Variants in AFDN observed in about 807,000 individuals in gnomAD.
AFDN encodes the protein afadin.
AFDN carries 68 observed loss-of-function variants against 216.6 expected under a neutral mutation model. The observed-to-expected ratio is 0.31, with a 90% CI of 0.26 to 0.38. The LOEUF is 0.38. Ranked by LOEUF, AFDN falls within the 10% of genes least tolerant of loss-of-function variation. The pLI is 1.00. For missense variants in AFDN, 2,136 were observed against 2,342.0 expected (o/e 0.91, Z 1.82); for synonymous variants, 868 against 853.7 (o/e 1.02, Z -0.29).
chr6:167,827,021 G>C lies in AFDN; in HGVS notation c.-112G>C, dbSNP rs1017111961. 8 of 307,178 alleles carry C rather than the reference G, an allele frequency of 2.6e-5. No individual in the cohort carries two copies. Among genetic ancestry groups the C allele is most frequent in the African/African-American group, 4.6e-5 (2 of 43,742 alleles). 19.0% of individuals were successfully genotyped at this position (307,178 alleles called of 1,614,324 possible). A position where few individuals can be genotyped will look rare whatever the true frequency, so the allele number is the denominator to read the frequency against. ...CGCGGAGGCGGAGGCAGCCGCGGAG[G>C]CGGAGGCGGCCGGCGGGGGGTGGCG... On this transcript the variant is annotated 5_prime_UTR_variant, in exon 1 of 34. Transcript: ENST00000683244.
chr6:167,892,042 A>G (rs1170967816), intron 8 of AFDN, among the ~76,000 whole-genome samples: 1 of 152,222 alleles, frequency 6.6e-6, no homozygotes, highest in Non-Finnish European at 1.5e-5. Context: ...GCAATTAACT[A>G]ATGATTACAT....
At chr6:167,863,813 A>G (rs1386799175) in intron 1 of AFDN, 1 of 518,808 alleles carries the variant, frequency 1.9e-6, no homozygotes, top group African/African-American at 1.9e-5. Flanking sequence ...TAAGATTTTG[A>G]GACAAATCTA....
At position 167,954,998 on chromosome 6, in the gene AFDN, A is replaced by G. The variant is rs569107240; in HGVS notation, c.4833+2811A>G. ...TATAACATGGATTTTAATTCAGTTT[A>G]TCAGCCATGCCAATTTATCAGTCTG... is the stretch of plus-strand genomic sequence containing the variant. On this transcript the variant is annotated intron_variant, in intron 30 of 33. Coordinates refer to ENST00000683244, the MANE Select transcript of AFDN (RefSeq NM_001386888.1). 5.3e-5 allele frequency among the ~76,000 whole-genome samples: 8 copies of G among 152,264 alleles called. No homozygotes were observed. The South Asian group carries it at 1.4e-3, about 28-fold the overall frequency.
intron 30 of AFDN, chr6:167,954,473 G>C (rs1166298173): frequency 1.9e-6 from 3 of 1,600,786 alleles, no homozygotes; most frequent in Admixed American, 1.7e-5. Context: ...TGCTATGCCA[G>C]CAATCTCTGT....
intron 12 of AFDN, among the ~76,000 whole-genome samples, chr6:167,903,381 C>G (rs1207819446): frequency 1.3e-5 from 2 of 152,208 alleles, no homozygotes; most frequent in Non-Finnish European, 2.9e-5. Flanking sequence ...CACATTCTCT[C>G]CATGGGACCT....
chr6:167,828,032 G>GAGGGGAGGGAGGTGA (rs1779390470), intron 1 of AFDN: 1 of 152,262 alleles, frequency 6.6e-6, no homozygotes, highest in Non-Finnish European at 1.5e-5. Flanking sequence ...GCTCCGTGGA[G>GAGGGGAGGGAGGTGA]AGGGGAGGGA....
Position 167,888,129 on chromosome 6 carries a change from A to C in AFDN, c.898-1086A>C, listed in dbSNP as rs567018823. On this transcript the variant is annotated intron_variant, in intron 6 of 33. Transcript: ENST00000683244. ...GATAAAGATTGAGACTAAAGAGATG[A>C]GTGAAGGTCAGATCCTGAAGTAGTA... Among the ~76,000 whole-genome samples the C allele has an allele frequency of 4.6e-5, 7 of 152,326 alleles. No homozygotes were observed. The South Asian group carries it at 1.2e-3, about 27-fold the overall frequency.
chr6:167,908,999 T>C (rs1227566486), intron 13 of AFDN, among the ~76,000 whole-genome samples: 1 of 152,178 alleles, frequency 6.6e-6, no homozygotes, highest in African/African-American at 2.4e-5. Context: ...AATTTTTTTT[T>C]CTTTTATCAA....
At chr6:167,871,184 G>C (rs1784753436) in intron 3 of AFDN, among the ~76,000 whole-genome samples, 1 of 106,568 alleles carries the variant, frequency 9.4e-6, no homozygotes, top group African/African-American at 3.7e-5. Flanking sequence ...TTTTTATTTT[G>C]TGTGATGTCA....
intron 21 of AFDN, among the ~76,000 whole-genome samples, chr6:167,919,830 T>A (rs1237966156): frequency 6.6e-6 from 1 of 152,208 alleles, no homozygotes; most frequent in Non-Finnish European, 1.5e-5. Flanking sequence ...AAAGTTAGAC[T>A]CAAAGTGTAG....
intron 26 of AFDN, among the ~76,000 whole-genome samples, 158 bp from the exon 27 acceptor site, chr6:167,946,549 T>C (rs1795285153): frequency 6.7e-6 from 1 of 149,588 alleles, no homozygotes; most frequent in Non-Finnish European, 1.5e-5. Flanking sequence ...TTCTTTATTC[T>C]CAGTATATTT....
intron 23 of AFDN, among the ~76,000 whole-genome samples, chr6:167,937,947 C>A (rs1280204527): frequency 1.3e-5 from 2 of 152,158 alleles, no homozygotes; most frequent in Non-Finnish European, 2.9e-5. Flanking sequence ...AACTATAAGT[C>A]AACCTAATTG....
Position 167,870,458 on chromosome 6 carries a change from G to T in AFDN, c.374G>T (p.Arg125Ile). 2 of 1,612,366 alleles carry T rather than the reference G, an allele frequency of 1.2e-6. No homozygotes were observed. The highest frequency in any genetic ancestry group is 1.7e-6 in the Non-Finnish European group (2 of 1,179,126). Residue 125 changes from arginine (R) to isoleucine (I), a missense_variant, in exon 3 of 34, where the codon AGA becomes ATA. Transcript: ENST00000683244. ...LNWNKDDREG[R>I]FVLKNENDAI... is the part of the protein sequence containing the mutation. ...TGGAACAAAGATGATCGGGAAGGCA[G>T]ATTTGTTCTTAAGAATGAGAATGAC...
At chr6:167,956,639 A>C (rs2128719022) in intron 30 of AFDN, among the ~76,000 whole-genome samples, 1 of 152,246 alleles carries the variant, frequency 6.6e-6, no homozygotes, top group African/African-American at 2.4e-5. Flanking sequence ...CTCAAAGTGA[A>C]ATCTTTGTCT....
At chr6:167,831,386 G>A (rs1265597021) in intron 1 of AFDN, among the ~76,000 whole-genome samples, 1 of 152,074 alleles carries the variant, frequency 6.6e-6, no homozygotes, top group Non-Finnish European at 1.5e-5. Flanking sequence ...TCTCATTGGT[G>A]GTTATAACCT....
chr6:167,861,419 T>C (rs1047972082), intron 1 of AFDN, among the ~76,000 whole-genome samples: 8 of 152,228 alleles, frequency 5.3e-5, no homozygotes, highest in Non-Finnish European at 1.2e-4. Context: ...TACTTTTCTA[T>C]ACACAGGAAT....
At chr6:167,846,854 C>T (rs1418847998) in intron 1 of AFDN, among the ~76,000 whole-genome samples, 1 of 151,066 alleles carries the variant, frequency 6.6e-6, no homozygotes, top group Non-Finnish European at 1.5e-5. Context: ...TAGTAGAAAT[C>T]AAATATTGTT....
chr6:167,946,713 A>G lies in AFDN; in HGVS notation c.3365A>G (p.Asp1122Gly), dbSNP rs762316069. ...QPSPMMQRIS[D>G]RRGSGKPRPK... ...GAATATGCTTTGATTCCAGTTTCAGATCGTCGTGGCTCAGGTAAACCCCGA... is the reference window on the plus strand; with the variant it reads ...GAATATGCTTTGATTCCAGTTTCAGGTCGTCGTGGCTCAGGTAAACCCCGA... Residue 1122 changes from aspartate (D) to glycine (G), a missense_variant, in exon 27 of 34, where the codon GAT becomes GGT. Asp to Gly is a moderately conservative substitution (Grantham distance 94, BLOSUM62 -1). Around this residue, in one of 8 missense-constraint regions of AFDN, gnomAD observed 981 missense variants for 966.0 expected, o/e 1.02. Coordinates refer to ENST00000683244, the MANE Select transcript of AFDN (RefSeq NM_001386888.1). 6.2e-6 allele frequency: 10 copies of G among 1,613,658 alleles called. No homozygotes were observed. The highest frequency in any genetic ancestry group is 7.6e-6 in the Non-Finnish European group (9 of 1,179,874).
Position 167,970,554 on chromosome 6 carries a change from T to G in AFDN, c.*619T>G. 4.7e-6 allele frequency: 1 copy of G among 214,780 alleles called. No individual in the cohort carries two copies. The highest frequency in any genetic ancestry group is 9.4e-6 in the Non-Finnish European group (1 of 106,386). The allele number at this position is 214,780 out of a possible 1,614,324, so 13.3% of individuals were successfully genotyped here. ...GTGTGATGACGCACGTCCGAGACTGTTCCATCTCATTCCTCGCAAATTTGA... is the reference window on the plus strand; with the variant it reads ...GTGTGATGACGCACGTCCGAGACTGGTCCATCTCATTCCTCGCAAATTTGA... On this transcript the variant is annotated 3_prime_UTR_variant, in exon 34 of 34. Coordinates refer to ENST00000683244, the MANE Select transcript of AFDN (RefSeq NM_001386888.1).
Sources: allele counts gnomAD v4.1 joint callset (sites outside exome capture counted in the v4.1 genomes callset), GRCh38; gene constraint gnomAD v4.1.1; regional missense constraint gnomAD v4.1.1; transcripts MANE v1.5; gene names NCBI Gene and HGNC (gene_info 2026-07-23, HGNC 2026-07-21).